CEP57: variants seen among roughly 807,000 people sequenced by gnomAD.
CEP57 encodes the protein centrosomal protein of 57 kDa.
Under a neutral mutation model 68.0 loss-of-function variants are expected in CEP57, and 40 were observed. The ratio of observed to expected loss-of-function variants is 0.59; its 90% CI spans 0.46 to 0.77. The LOEUF (loss-of-function observed/expected upper bound fraction) is 0.77, where lower values mean the gene tolerates loss of function less well. CEP57 is among the 30% of genes least tolerant of loss of function. The pLI is 0.00. For synonymous variants in CEP57, 219 were observed against 198.7 expected (o/e 1.10, Z -0.86); for missense variants, 606 against 580.7 (o/e 1.04, Z -0.45).
chr11:95,831,321 T>A lies in CEP57; in HGVS notation c.*65T>A. ...CCTCATCAATCAGATGATGACAATTTACTTCCCAGGTCTCATACTCACTTA... is the reference window on the plus strand; with the variant it reads ...CCTCATCAATCAGATGATGACAATTAACTTCCCAGGTCTCATACTCACTTA... On this transcript the variant is annotated 3_prime_UTR_variant, in exon 11 of 11. Transcript: ENST00000325542. 1 of 1,162,750 alleles carries A rather than the reference T, an allele frequency of 8.6e-7. No homozygotes were observed. Among genetic ancestry groups the A allele is most frequent in the Non-Finnish European group, 1.3e-6 (1 of 782,902 alleles). The allele number at this position is 1,162,750 out of a possible 1,614,324, so 72.0% of individuals were successfully genotyped here.
In CEP57 at chr11:95,831,533, A is replaced by G. The variant is rs192026330; in HGVS notation, c.*277A>G. The G allele has an allele frequency of 3.0e-4, 69 of 226,940 alleles. No individual in the cohort carries two copies. The highest frequency in any genetic ancestry group is 1.9e-3 in the Admixed American group (36 of 18,856). 14.1% of individuals were successfully genotyped at this position (226,940 alleles called of 1,614,324 possible). On this transcript the variant is annotated 3_prime_UTR_variant, in exon 11 of 11. Transcript: ENST00000325542. Reference sequence around the variant, plus strand: ...TACTGACGCTGCACTTTGTAAACAGATTACCAGTTTTTTACTTGTGGGTGT... The same window carrying G: ...TACTGACGCTGCACTTTGTAAACAGGTTACCAGTTTTTTACTTGTGGGTGT...
intron 1 of CEP57, among the ~76,000 whole-genome samples, chr11:95,792,633 T>G (rs1286278374): frequency 1.3e-5 from 2 of 152,230 alleles, no homozygotes; most frequent in Non-Finnish European, 2.9e-5. Flanking sequence ...CATATTTTTT[T>G]TGTGCTAAGC....
intron 2 of CEP57, among the ~76,000 whole-genome samples, chr11:95,808,476 C>T (rs953653241): frequency 6.6e-6 from 1 of 152,124 alleles, no homozygotes; most frequent in African/African-American, 2.4e-5. Context: ...AGTAGACCCA[C>T]CTCACATGCT....
chr11:95,814,193 C>CAA (rs1294699416), intron 4 of CEP57, among the ~76,000 whole-genome samples: 1 of 152,096 alleles, frequency 6.6e-6, no homozygotes, highest in Non-Finnish European at 1.5e-5. Context: ...GCTGGGATTA[C>CAA]AGGCGCATGC....
intron 1 of CEP57, among the ~76,000 whole-genome samples, 182 bp downstream of exon 1, chr11:95,790,925 C>G (rs1179460640): frequency 6.6e-6 from 1 of 152,248 alleles, no homozygotes; most frequent in Non-Finnish European, 1.5e-5. Flanking sequence ...GCTGCACCCT[C>G]TGGCTCCCAG....
intron 10 of CEP57, among the ~76,000 whole-genome samples, chr11:95,830,807 T>TTA (rs1053188956): frequency 2.0e-4 from 30 of 151,522 alleles, no homozygotes; most frequent in Admixed American, 1.1e-3. Flanking sequence ...GTGTATTGTT[T>TTA]TATATATATA....
chr11:95,796,769 G>C (rs1282941569), intron 1 of CEP57, among the ~76,000 whole-genome samples: 1 of 152,150 alleles, frequency 6.6e-6, no homozygotes, highest in Non-Finnish European at 1.5e-5. Context: ...GTCAGAGTTC[G>C]CAGAGCATCT....
intron 4 of CEP57, among the ~76,000 whole-genome samples, chr11:95,813,922 G>GA (rs1183479868): frequency 2.0e-5 from 3 of 152,044 alleles, no homozygotes; most frequent in Admixed American, 2.0e-4. Flanking sequence ...GATAGTAGAT[G>GA]ACTTTGTAAA....
intron 2 of CEP57, among the ~76,000 whole-genome samples, chr11:95,800,240 C>G (rs767699792): frequency 6.6e-6 from 1 of 152,198 alleles, no homozygotes; most frequent in Non-Finnish European, 1.5e-5. Flanking sequence ...TAGCCAAATT[C>G]AGTTCCTTGT....
chr11:95,795,759 T>C (rs1861316323), intron 1 of CEP57, among the ~76,000 whole-genome samples: 1 of 152,226 alleles, frequency 6.6e-6, no homozygotes, highest in Non-Finnish European at 1.5e-5. Flanking sequence ...AGTTTGGAAC[T>C]GTTGCATTGA....
At chr11:95,805,659 C>T (rs998502659) in intron 2 of CEP57, among the ~76,000 whole-genome samples, 1 of 152,092 alleles carries the variant, frequency 6.6e-6, no homozygotes, top group Non-Finnish European at 1.5e-5. Flanking sequence ...TAAATAATTA[C>T]TTGGAAATGT....
At position 95,829,255 on chromosome 11, in the gene CEP57, G is replaced by A. The variant is rs1862891504; in HGVS notation, c.1196G>A (p.Cys399Tyr). ...GTTGAACTGAAAGACAAGTTGGAGTGTGAATTGGAGGCATTAGTGGGAAGG... is the reference window on the plus strand; with the variant it reads ...GTTGAACTGAAAGACAAGTTGGAGTATGAATTGGAGGCATTAGTGGGAAGG... The part of the protein sequence containing the change: ...PTVELKDKLE[C>Y]ELEALVGRME... The change falls in exon 10 of 11, where the codon TGT becomes TAT. Residue 399 changes from cysteine to tyrosine, a missense_variant. Transcript: ENST00000325542. 1 of 1,613,934 alleles carries A rather than the reference G, an allele frequency of 6.2e-7. No homozygotes were observed. The highest frequency in any genetic ancestry group is 1.3e-5 in the African/African-American group (1 of 74,882).
chr11:95,827,719 T>G (rs1555053752), intron 8 of CEP57, 67 bp from the exon 9 acceptor site: 1 of 1,595,234 alleles, frequency 6.3e-7, no homozygotes, highest in South Asian at 1.1e-5. Context: ...TACCTAGGCT[T>G]AGGGAATAGA....
chr11:95,790,406 C>A (rs757680835), upstream of CEP57: 14 of 518,582 alleles, frequency 2.7e-5, no homozygotes, highest in Non-Finnish European at 4.5e-5. Context: ...TACCTTGTGA[C>A]GTCACCAGGG....
chr11:95,828,042 T>C lies in CEP57; in HGVS notation c.1127+15T>C. ...CAAATGAGCTTGTGAGTTTTTGTTTTTTTTTTTAAATTCAGTTTAGCTCTA... is the reference window on the plus strand; with the variant it reads ...CAAATGAGCTTGTGAGTTTTTGTTTCTTTTTTTAAATTCAGTTTAGCTCTA... On this transcript the variant is annotated intron_variant, in intron 9 of 10. Coordinates refer to ENST00000325542, the MANE Select transcript of CEP57 (RefSeq NM_014679.5). 6.2e-7 allele frequency: 1 copy of C among 1,609,022 alleles called. No individual in the cohort carries two copies. Among genetic ancestry groups the C allele is most frequent in the Non-Finnish European group, 8.5e-7 (1 of 1,177,466 alleles).
At chr11:95,825,892 C>T (rs1443680504) in intron 8 of CEP57, 2 of 152,166 alleles carry the variant, frequency 1.3e-5, no homozygotes, top group Admixed American at 6.5e-5. Flanking sequence ...ACTGTAATCC[C>T]AGTGGCTGAG....
chr11:95,832,370 G>GA lies in CEP57; in HGVS notation c.*1117dup, dbSNP rs764390524. On this transcript the variant is annotated 3_prime_UTR_variant, in exon 11 of 11. Coordinates refer to ENST00000325542, the MANE Select transcript of CEP57 (RefSeq NM_014679.5). ...TAGTTGCCACACTCATGCTTACATA[G>GA]AAAGAGAGCCCAAGAATATTAGATT... 4 of 152,092 alleles carry GA rather than the reference G, an allele frequency of 2.6e-5. No homozygotes were observed. Among genetic ancestry groups the GA allele is most frequent in the Non-Finnish European group, 1.5e-5 (1 of 67,996 alleles). The allele number at this position is 152,092 out of a possible 1,614,324, so 9.4% of individuals were successfully genotyped here.
In CEP57 at chr11:95,799,403, C is replaced by A. The variant is rs762577426; in HGVS notation, c.202+15C>A. 3 of 1,613,490 alleles carry A rather than the reference C, an allele frequency of 1.9e-6. No homozygotes were observed. Among genetic ancestry groups the A allele is most frequent in the Non-Finnish European group, 2.5e-6 (3 of 1,179,638 alleles). On this transcript the variant is annotated intron_variant, in intron 2 of 10. Coordinates refer to ENST00000325542, the MANE Select transcript of CEP57 (RefSeq NM_014679.5). ...CAACAGCAGAGGTAATCGAGCCTAA[C>A]GAAATAAATGTTATTTGTGTTTTCT...
intron 2 of CEP57, among the ~76,000 whole-genome samples, chr11:95,805,594 G>A (rs1049070838): frequency 8.5e-5 from 13 of 152,098 alleles, no homozygotes; most frequent in South Asian, 2.1e-4. Context: ...CGTAAAAGAC[G>A]GCAGCTCTCC....
Sources: gnomAD v4.1 joint callset for allele counts (sites outside exome capture counted in the v4.1 genomes callset) on GRCh38, gnomAD v4.1.1 for gene constraint, MANE v1.5 for transcripts, NCBI Gene and HGNC (gene_info 2026-07-23, HGNC 2026-07-21) for gene names.